Variants in RNLS observed in about 807,000 individuals in gnomAD.
The protein encoded by RNLS is renalase.
In RNLS, 39 loss-of-function variants were observed where a neutral mutation model predicts 39.8. That is an observed-to-expected ratio of 0.98 (90% confidence interval 0.76 to 1.28). RNLS has a LOEUF of 1.28. Among genes scored for constraint, RNLS ranks in the 50% most tolerant of loss-of-function variants. The pLI is 0.00. For missense variants in RNLS, 410 were observed against 413.3 expected, an observed-to-expected ratio of 0.99 and a Z score of 0.07; for synonymous variants, 147 against 150.7, an observed-to-expected ratio of 0.98 and a Z score of 0.18.
downstream of RNLS, among the ~76,000 whole-genome samples, chr10:88,273,352 T>C (rs1842703599): frequency 6.6e-6 from 1 of 152,230 alleles, no homozygotes; most frequent in African/African-American, 2.4e-5. Flanking sequence ...ATATTTCTTT[T>C]GGTCTTAATA....
chr10:88,179,923 A>G, the RNLS span, among the ~76,000 whole-genome samples: 4 of 152,214 alleles, frequency 2.6e-5, no homozygotes, highest in African/African-American at 9.6e-5. Context: ...AAAAAACCCT[A>G]TGTTTTCTTT....
At chr10:88,369,633 C>T (rs2133419445) in intron 4 of RNLS, among the ~76,000 whole-genome samples, 1 of 152,248 alleles carries the variant, frequency 6.6e-6, no homozygotes, top group East Asian at 1.9e-4. Context: ...CCACAACATC[C>T]CTGGCTGGCT....
At chr10:88,491,239 A>C (rs2134065222) in intron 4 of RNLS, among the ~76,000 whole-genome samples, 1 of 152,288 alleles carries the variant, frequency 6.6e-6, no homozygotes, top group South Asian at 2.1e-4. Flanking sequence ...TCTCTGACTG[A>C]TTGCAAAACA....
intron 6 of RNLS, among the ~76,000 whole-genome samples, chr10:88,307,770 T>C (rs1187112194): frequency 6.6e-6 from 1 of 152,192 alleles, no homozygotes; most frequent in East Asian, 1.9e-4. Context: ...AATTTATAGA[T>C]TCAATGCTAT....
At chr10:88,572,795 T>G in intron 4 of RNLS, 108 bp downstream of exon 4, 1 of 1,139,554 alleles carries the variant, frequency 8.8e-7, no homozygotes, top group Admixed American at 2.6e-5. Context: ...GACAGGCAAA[T>G]CAATAGAGTC....
rs1249552805 is a variant in RNLS at position 88,549,677 on chromosome 10, T to C, written c.526+23226A>G. Among the ~76,000 whole-genome samples the C allele has an allele frequency of 4.6e-5, 7 of 152,302 alleles. No homozygotes were observed. The South Asian group carries it at 1.4e-3, about 32-fold the overall frequency. ...AGAATGCCACACTAGAGTAAAACTA[T>C]AAAGCCAGTATTACAGCCGACTGAT... On this transcript the variant is annotated intron_variant, in intron 4 of 6. Transcript: ENST00000331772.
At chr10:88,393,901 T>C (rs1177650091) in intron 4 of RNLS, among the ~76,000 whole-genome samples, 1 of 152,112 alleles carries the variant, frequency 6.6e-6, no homozygotes, top group Non-Finnish European at 1.5e-5. Flanking sequence ...TATCTACAAC[T>C]ATCTGATCTT....
chr10:88,322,520 C>T (rs539811525), intron 5 of RNLS, among the ~76,000 whole-genome samples: 3 of 152,260 alleles, frequency 2.0e-5, no homozygotes, highest in East Asian at 1.9e-4. Context: ...AAGTGTTTGA[C>T]GGTTCCTCCT....
chr10:88,201,773 T>A, the RNLS span, among the ~76,000 whole-genome samples: 138,629 of 152,178 alleles, frequency 0.91, 63,314 homozygotes, highest in Middle Eastern at 0.94. Flanking sequence ...ATTTCTAAAG[T>A]TTGTTACAGC....
chr10:88,327,390 G>T (rs1314935923), intron 5 of RNLS, among the ~76,000 whole-genome samples: 1 of 152,176 alleles, frequency 6.6e-6, no homozygotes, highest in Non-Finnish European at 1.5e-5. Flanking sequence ...TTTTGTGAAA[G>T]TGAGTGAGTT....
intron 4 of RNLS, among the ~76,000 whole-genome samples, chr10:88,458,746 A>G (rs1842772627): frequency 6.6e-6 from 1 of 151,596 alleles, no homozygotes; most frequent in Admixed American, 6.6e-5. Flanking sequence ...TTATGTCAGG[A>G]AAAAAAACCC....
chr10:88,443,383 C>T (rs1384593734), intron 4 of RNLS, among the ~76,000 whole-genome samples: 2 of 152,156 alleles, frequency 1.3e-5, no homozygotes, highest in African/African-American at 4.8e-5. Context: ...CAGCTCCCAG[C>T]GTGAGCGACA....
chr10:88,337,084 C>T (rs1399280080), intron 5 of RNLS, among the ~76,000 whole-genome samples: 3 of 152,084 alleles, frequency 2.0e-5, no homozygotes, highest in Non-Finnish European at 4.4e-5. Flanking sequence ...AAATACATTG[C>T]CCTCACAAAT....
intron 5 of RNLS, among the ~76,000 whole-genome samples, chr10:88,355,847 C>A (rs919967302): frequency 1.3e-5 from 2 of 152,338 alleles, no homozygotes; most frequent in East Asian, 1.9e-4. Flanking sequence ...CCTTGAGCTG[C>A]GGTGGGCTCC....
At chr10:88,436,762 T>A (rs541030933) in intron 4 of RNLS, among the ~76,000 whole-genome samples, 4 of 152,202 alleles carry the variant, frequency 2.6e-5, no homozygotes, top group African/African-American at 4.8e-5. Flanking sequence ...CTTTTTTTTT[T>A]TAAAGGGAAT....
In RNLS at chr10:88,285,335, G is replaced by C. The variant is rs749825886; in HGVS notation, c.*19C>G. 2.4e-5 allele frequency: 38 copies of C among 1,575,232 alleles called. No homozygotes were observed. The highest frequency in any genetic ancestry group is 3.2e-5 in the Non-Finnish European group (37 of 1,156,822). ...AAAATAAAAACCCAATACACATGTAGAGAATAAGGATATAGGCACTAAATA... is the reference window on the plus strand; with the variant it reads ...AAAATAAAAACCCAATACACATGTACAGAATAAGGATATAGGCACTAAATA... On this transcript the variant is annotated 3_prime_UTR_variant, in exon 7 of 7. Transcript: ENST00000331772.
At chr10:88,414,515 A>AC (rs1247804154) in intron 4 of RNLS, among the ~76,000 whole-genome samples, 1 of 152,158 alleles carries the variant, frequency 6.6e-6, no homozygotes, top group African/African-American at 2.4e-5. Flanking sequence ...TTCAGCTTGG[A>AC]CTATGATGCC....
intron 4 of RNLS, among the ~76,000 whole-genome samples, chr10:88,496,860 A>G (rs1182497068): frequency 6.6e-6 from 1 of 152,130 alleles, no homozygotes; most frequent in African/African-American, 2.4e-5. Flanking sequence ...GAGGGATACT[A>G]TGTGGAACTC....
chr10:88,200,699 T>C, the RNLS span, among the ~76,000 whole-genome samples: 1 of 152,208 alleles, frequency 6.6e-6, no homozygotes, highest in Admixed American at 6.6e-5. Context: ...TCTCAAGAAC[T>C]GAGAAGGAAC....
Sources: gnomAD v4.1 joint callset for allele counts (sites outside exome capture counted in the v4.1 genomes callset) on GRCh38, gnomAD v4.1.1 for gene constraint, MANE v1.5 for transcripts, NCBI Gene and HGNC (gene_info 2026-07-23, HGNC 2026-07-21) for gene names.